DGKH: variants seen among roughly 807,000 people sequenced by gnomAD.
DGKH encodes DAG kinase eta.
A neutral mutation model predicts 159.3 loss-of-function variants in DGKH; 90 were observed. That is an observed-to-expected ratio of 0.57 (90% CI 0.48 to 0.67). The LOEUF is 0.67. Ranked by LOEUF, DGKH falls within the 30% of genes least tolerant of loss-of-function variation. The pLI is 0.00. For missense variants in DGKH, 1,181 were observed against 1,506.1 expected, an observed-to-expected ratio of 0.78 and a Z score of 3.57; for synonymous variants, 536 against 553.8, an observed-to-expected ratio of 0.97 and a Z score of 0.45.
intron 3 of DGKH, among the ~76,000 whole-genome samples, chr13:42,152,725 G>A (rs1955940087): frequency 6.6e-6 from 1 of 151,794 alleles, no homozygotes; most frequent in African/African-American, 2.4e-5. Context: ...CTTCTGTGAA[G>A]TAACAGTTAG....
intron 1 of DGKH, among the ~76,000 whole-genome samples, chr13:42,079,702 A>G (rs1289374056): frequency 6.6e-6 from 1 of 152,144 alleles, no homozygotes; most frequent in Non-Finnish European, 1.5e-5. Context: ...TTGTATGATC[A>G]TGTCGACCTT....
intron 26 of DGKH, among the ~76,000 whole-genome samples, chr13:42,218,625 C>T (rs1957874739): frequency 6.6e-6 from 1 of 151,432 alleles, no homozygotes; most frequent in African/African-American, 2.4e-5. Context: ...TCTCTTGCCT[C>T]AGCCTCCCAA....
chr13:42,125,071 C>G (rs950452202), intron 1 of DGKH, among the ~76,000 whole-genome samples: 2 of 152,196 alleles, frequency 1.3e-5, no homozygotes, highest in African/African-American at 4.8e-5. Context: ...CCTCCTTTCT[C>G]ACCCGTTTCC....
intron 1 of DGKH, among the ~76,000 whole-genome samples, chr13:42,058,402 A>G (rs1030900721): frequency 5.3e-5 from 8 of 152,192 alleles, no homozygotes; most frequent in African/African-American, 1.4e-4. Flanking sequence ...TGAATACACA[A>G]TATAATTCCA....
At chr13:42,054,852 T>C (rs974183805) in intron 1 of DGKH, among the ~76,000 whole-genome samples, 37 of 152,094 alleles carry the variant, frequency 2.4e-4, no homozygotes, top group African/African-American at 8.7e-4. Context: ...ACCAGAAATA[T>C]GTACAATTTT....
intron 29 of DGKH, among the ~76,000 whole-genome samples, chr13:42,224,546 CA>C (rs1334700338): frequency 1.3e-5 from 2 of 152,204 alleles, no homozygotes; most frequent in Non-Finnish European, 2.9e-5. Context: ...GTTATTTTAG[CA>C]TCATCAATCA....
chr13:42,061,251 T>A (rs911206683), intron 1 of DGKH, among the ~76,000 whole-genome samples: 1 of 152,182 alleles, frequency 6.6e-6, no homozygotes, highest in Admixed American at 6.5e-5. Flanking sequence ...TTCCCGTTGA[T>A]CTGCGCCATC....
intron 1 of DGKH, among the ~76,000 whole-genome samples, chr13:42,103,616 C>T (rs1325584002): frequency 1.3e-5 from 2 of 152,216 alleles, no homozygotes. Context: ...GCACCAAATG[C>T]AGTCCCCCAT....
At chr13:42,052,103 A>G (rs991629234) in intron 1 of DGKH, among the ~76,000 whole-genome samples, 1 of 152,202 alleles carries the variant, frequency 6.6e-6, no homozygotes, top group African/African-American at 2.4e-5. Flanking sequence ...GCAGAAGTAA[A>G]TATGGGTTGT....
In DGKH at chr13:42,155,277, A is replaced by G; in HGVS notation, c.385-14A>G. The G allele has an allele frequency of 5.7e-6, 9 of 1,572,750 alleles. No individual in the cohort carries two copies. The highest frequency in any genetic ancestry group is 7.7e-6 in the Non-Finnish European group (9 of 1,162,788). ...TGGGTATTAACAATCATTAGATTGA[A>G]TTATCCCTTTCAGATCATCACTCCA... On this transcript the variant is annotated splice_polypyrimidine_tract_variant and intron_variant, in intron 3 of 29. Transcript: ENST00000337343.
At chr13:42,171,765 TG>T (rs923234786) in intron 11 of DGKH, among the ~76,000 whole-genome samples, 1 of 152,162 alleles carries the variant, frequency 6.6e-6, no homozygotes, top group Non-Finnish European at 1.5e-5. Context: ...GACTTTGAGA[TG>T]CTCAATATAG....
downstream of DGKH, among the ~76,000 whole-genome samples, chr13:42,245,270 T>C (rs1304185654): frequency 6.6e-6 from 1 of 152,204 alleles, no homozygotes; most frequent in East Asian, 1.9e-4. Flanking sequence ...CACTTGACGG[T>C]TGTTGACCCT....
At chr13:42,121,068 C>CACACACACACAA (rs1566111999) in intron 1 of DGKH, among the ~76,000 whole-genome samples, 1 of 128,800 alleles carries the variant, frequency 7.8e-6, no homozygotes, top group African/African-American at 3.5e-5. Flanking sequence ...ATATATTATA[C>CACACACACACAA]ACACACACAC....
chr13:42,192,048 A>G (rs1357262791), intron 16 of DGKH, among the ~76,000 whole-genome samples: 1 of 152,186 alleles, frequency 6.6e-6, no homozygotes, highest in East Asian at 1.9e-4. Flanking sequence ...AGTGCCTAGA[A>G]TAGTGTCTGG....
At chr13:42,044,692 G>C (rs533853069), upstream of DGKH, among the ~76,000 whole-genome samples, 2 of 152,146 alleles carry the variant, frequency 1.3e-5, no homozygotes, top group Non-Finnish European at 2.9e-5. Flanking sequence ...TTAAATAAAC[G>C]ATCAGCCTTA....
In DGKH at chr13:42,215,719, T is replaced by C. The variant is rs1005510567; in HGVS notation, c.3213+52T>C. On this transcript the variant is annotated intron_variant, in intron 26 of 29. Transcript: ENST00000337343. ...AAGAATGATGAATTAAATGTCTGGG[T>C]CTTACCTTCATTGGGGAACAGGCAT... The C allele has an allele frequency of 4.7e-6, 7 of 1,485,446 alleles. No individual in the cohort carries two copies. The African/African-American group carries it at 9.6e-5, about 20-fold the overall frequency. 92.0% of individuals were successfully genotyped at this position (1,485,446 alleles called of 1,614,324 possible).
Position 42,160,066 on chromosome 13 carries a change from C to T in DGKH, c.785C>T (p.Ala262Val), listed in dbSNP as rs970979330. Reference sequence around the variant, plus strand: ...AACCTGCCTGTAAGTGCCAAGTGTGCTGTCTGCGACAAAACATGTGGCAGT... The same window carrying T: ...AACCTGCCTGTAAGTGCCAAGTGTGTTGTCTGCGACAAAACATGTGGCAGT... ...EGNLPVSAKC[A>V]VCDKTCGSVL... The change falls in exon 7 of 30, where the codon GCT (alanine) becomes GTT (valine). Residue 262 changes from alanine to valine, a missense_variant. Around this residue, in one of 5 missense-constraint regions of DGKH, gnomAD observed 369 missense variants for 519.4 expected, o/e 0.71. Coordinates refer to ENST00000337343, the MANE Select transcript of DGKH (RefSeq NM_178009.5). 6.2e-7 allele frequency: 1 copy of T among 1,614,232 alleles called. No individual in the cohort carries two copies. The highest frequency in any genetic ancestry group is 1.6e-4 in the Middle Eastern group (1 of 6,062).
chr13:42,149,516 AT>A (rs1197991131), intron 3 of DGKH, among the ~76,000 whole-genome samples: 2 of 152,212 alleles, frequency 1.3e-5, no homozygotes, highest in African/African-American at 4.8e-5. Context: ...AGGCTGCAAC[AT>A]TGTTTGGCAG....
chr13:42,247,253 A>G (rs1229079312), downstream of DGKH, among the ~76,000 whole-genome samples: 1 of 133,088 alleles, frequency 7.5e-6, no homozygotes, highest in Non-Finnish European at 1.6e-5. Flanking sequence ...TTTTTTTGAG[A>G]CAGTCTTGCT....
Sources: allele counts gnomAD v4.1 joint callset (sites outside exome capture counted in the v4.1 genomes callset), GRCh38; gene constraint gnomAD v4.1.1; regional missense constraint gnomAD v4.1.1; transcripts MANE v1.5; gene names NCBI Gene and HGNC (gene_info 2026-07-23, HGNC 2026-07-21).